WNT7B: variants seen among roughly 807,000 people sequenced by gnomAD.
WNT7B encodes protein Wnt-7b.
Under a neutral mutation model 38.2 loss-of-function variants are expected in WNT7B, and 19 were observed. That is an observed-to-expected ratio of 0.50 (90% confidence interval 0.35 to 0.73). The LOEUF (loss-of-function observed/expected upper bound fraction) is 0.73. Ranked by LOEUF, WNT7B falls within the 30% of genes least tolerant of loss-of-function variation. The pLI is 0.01. For missense variants in WNT7B, 423 were observed against 507.9 expected, an observed-to-expected ratio of 0.83 and a Z score of 1.61; for synonymous variants, 243 against 209.3, an observed-to-expected ratio of 1.16 and a Z score of -1.39.
chr22:45,928,846 T>C (rs1391567342), intron 3 of WNT7B, among the ~76,000 whole-genome samples: 1 of 145,034 alleles, frequency 6.9e-6, no homozygotes, highest in African/African-American at 2.5e-5. Context: ...CTGGCCCTGG[T>C]TTCCCCATAC....
chr22:45,956,519 C>A (rs374473257), intron 1 of WNT7B, among the ~76,000 whole-genome samples: 1 of 152,222 alleles, frequency 6.6e-6, no homozygotes, highest in Non-Finnish European at 1.5e-5. Context: ...CTGCACCCAC[C>A]ACCGATGGGT....
rs994233948 is a variant in WNT7B, at chr22:45,966,391, C to G, written c.71+10293G>C. 5.9e-5 allele frequency among the ~76,000 whole-genome samples: 9 copies of G among 152,234 alleles called. No homozygotes were observed. The highest frequency in any genetic ancestry group is 2.0e-4 in the Admixed American group (3 of 15,286). On this transcript the variant is annotated intron_variant, in intron 1 of 3. Transcript: ENST00000339464. The surrounding 1 kb of genome is among the most constrained non-coding windows in gnomAD (Gnocchi z 4.2). The stretch of plus-strand genomic sequence containing the variant: ...GAGGCCAGCTGAGACACCACCAGTC[C>G]TTGTGCCCGGGCTCCCTCCGGCCTG...
chr22:45,929,516 C>A (rs563815301), intron 3 of WNT7B, among the ~76,000 whole-genome samples: 73 of 141,494 alleles, frequency 5.2e-4, no homozygotes, highest in African/African-American at 1.9e-3. Context: ...ACCAATACTT[C>A]CGTCCATCTT....
At chr22:45,927,889 C>A (rs9723150) in intron 3 of WNT7B, among the ~76,000 whole-genome samples, 10,178 of 152,258 alleles carry the variant, frequency 0.067, 538 homozygotes, top group Admixed American at 0.15. Flanking sequence ...GAGCAAGACT[C>A]CATCTCAAAA....
intron 1 of WNT7B, among the ~76,000 whole-genome samples, chr22:45,969,796 A>G (rs1337308763): frequency 6.6e-6 from 1 of 152,176 alleles, no homozygotes; most frequent in Non-Finnish European, 1.5e-5. Context: ...GGGATCTGGA[A>G]AGCTCCTGAA....
chr22:45,924,865 G>A (rs959330462), intron 3 of WNT7B, among the ~76,000 whole-genome samples: 1 of 149,284 alleles, frequency 6.7e-6, no homozygotes, highest in Admixed American at 6.6e-5. Flanking sequence ...GCAGGTGGGT[G>A]CTGGGTGGGC....
At position 45,927,338 on chromosome 22, in the gene WNT7B, TG is replaced by T. The variant is rs1931117190; in HGVS notation, c.570+3759del. 6.2e-6 allele frequency: 9 copies of T among 1,460,456 alleles called. No individual in the cohort carries two copies. The South Asian group carries it at 1.2e-4, about 20-fold the overall frequency. 90.5% of individuals were successfully genotyped at this position (1,460,456 alleles called of 1,614,324 possible). On this transcript the variant is annotated intron_variant, in intron 3 of 3. Transcript: ENST00000339464. ...GCTTGGGGAAGGGCAGCCAGGGCCT[TG>T]GTCTGGTAGAAGTGGGGGCAGGGCG...
chr22:45,977,125 C>A lies in WNT7B; in HGVS notation c.-371G>T. ...AGCGCCTCGCCGAGCGCCGCGGCGG[C>A]CAATGTGTCCGCACTTGTCGGCCGC... On this transcript the variant is annotated 5_prime_UTR_variant, in exon 1 of 4. Coordinates refer to ENST00000339464, the MANE Select transcript of WNT7B (RefSeq NM_058238.3). 1 of 648,426 alleles carries A rather than the reference C, an allele frequency of 1.5e-6. No individual in the cohort carries two copies. Among genetic ancestry groups the A allele is most frequent in the Non-Finnish European group, 1.9e-6 (1 of 522,228 alleles). 40.2% of individuals were successfully genotyped at this position (648,426 alleles called of 1,614,324 possible).
intron 1 of WNT7B, among the ~76,000 whole-genome samples, chr22:45,964,723 C>T (rs1932274748): frequency 6.6e-6 from 1 of 152,122 alleles, no homozygotes; most frequent in Non-Finnish European, 1.5e-5. Flanking sequence ...CACGGGGCCC[C>T]AGACCCACAA....
Position 45,929,188 on chromosome 22 carries a change from G to T in WNT7B, c.570+1910C>A, listed in dbSNP as rs73888712. ...CCTCTTTCTCCTCCTCCTCCAGGGA[G>T]TCCTCCCAGATGCCTCCAGGTAGGT... On this transcript the variant is annotated intron_variant, in intron 3 of 3. Coordinates refer to ENST00000339464, the MANE Select transcript of WNT7B (RefSeq NM_058238.3). 2.9e-3 allele frequency among the ~76,000 whole-genome samples: 440 copies of T among 152,310 alleles called. 1 individual carries two copies. The highest frequency in any genetic ancestry group is 0.01 in the African/African-American group (417 of 41,566).
intron 2 of WNT7B, 47 bp downstream of exon 2, chr22:45,949,873 C>T: frequency 2.6e-6 from 4 of 1,563,364 alleles, no homozygotes; most frequent in South Asian, 1.1e-5. Context: ...TGGCCTACTG[C>T]CCCTGGCCAC....
At position 45,965,714 on chromosome 22, in the gene WNT7B, G is replaced by T. The variant is rs1349086380; in HGVS notation, c.71+10970C>A. Reference sequence around the variant, plus strand: ...AAGACCCAGAACAGAAGGCCTCTGGGCTTCCCATACCCGCAGGACAGCTGC... The same window carrying T: ...AAGACCCAGAACAGAAGGCCTCTGGTCTTCCCATACCCGCAGGACAGCTGC... On this transcript the variant is annotated intron_variant, in intron 1 of 3. Transcript: ENST00000339464. The surrounding 1 kb of genome is among the most constrained non-coding windows in gnomAD (Gnocchi z 6.5). Among the ~76,000 whole-genome samples, 1 of 152,182 alleles carries T rather than the reference G, an allele frequency of 6.6e-6. No individual in the cohort carries two copies. Among genetic ancestry groups the T allele is most frequent in the Admixed American group, 6.5e-5 (1 of 15,288 alleles).
At chr22:45,956,882 T>C (rs903365970) in intron 1 of WNT7B, among the ~76,000 whole-genome samples, 11 of 151,902 alleles carry the variant, frequency 7.2e-5, no homozygotes, top group African/African-American at 2.4e-4. Context: ...CTGAGATGGG[T>C]GGATCATGAA....
At chr22:45,940,721 G>A (rs1291090333) in intron 2 of WNT7B, among the ~76,000 whole-genome samples, 1 of 152,224 alleles carries the variant, frequency 6.6e-6, no homozygotes, top group Non-Finnish European at 1.5e-5. Flanking sequence ...AGCCACAGAG[G>A]AGCCAGCAGG....
rs551652002 is a variant in WNT7B at position 45,953,569 on chromosome 22, C to T, written c.72-3423G>A. ...CAAAAAGACAAACAACCCAGTGTTA[C>T]AATGAGCAAAGCGCTTGTAGACATT... On this transcript the variant is annotated intron_variant, in intron 1 of 3. Coordinates refer to ENST00000339464, the MANE Select transcript of WNT7B (RefSeq NM_058238.3). Among the ~76,000 whole-genome samples, 8 of 152,288 alleles carry T rather than the reference C, an allele frequency of 5.3e-5. No individual in the cohort carries two copies. In the South Asian group the frequency reaches 1.7e-3, roughly 32 times the overall value.
chr22:45,943,034 C>CAGTGTGCATGTGTATGTGTGT (rs796147152), intron 2 of WNT7B, among the ~76,000 whole-genome samples: 5,473 of 149,478 alleles, frequency 0.037, 369 homozygotes, highest in African/African-American at 0.13. Context: ...TATGTGTGTG[C>CAGTGTGCATGTGTATGTGTGT]GCGTGTGTGC....
chr22:45,936,301 A>G lies in WNT7B; in HGVS notation c.299-4932T>C, dbSNP rs571747430. 3.3e-4 allele frequency among the ~76,000 whole-genome samples: 50 copies of G among 152,328 alleles called. 1 individual carries two copies. Among genetic ancestry groups the G allele is most frequent in the African/African-American group, 1.2e-3 (48 of 41,568 alleles). On this transcript the variant is annotated intron_variant, in intron 2 of 3. Transcript: ENST00000339464. Reference sequence around the variant, plus strand: ...CCAGCTCTGAGAGCAAACAGGATGAATGGGCATGGTACCCACATCACTAAG... The same window carrying G: ...CCAGCTCTGAGAGCAAACAGGATGAGTGGGCATGGTACCCACATCACTAAG...
At chr22:45,925,605 G>T in intron 3 of WNT7B, 1 of 985,154 alleles carries the variant, frequency 1.0e-6, no homozygotes, top group Non-Finnish European at 1.2e-6. Context: ...CATCACCCCA[G>T]CTCCCTGTTC....
chr22:45,968,600 C>T (rs1932362929), intron 1 of WNT7B, among the ~76,000 whole-genome samples: 1 of 152,222 alleles, frequency 6.6e-6, no homozygotes, highest in South Asian at 2.1e-4. Context: ...AGCGTCACCC[C>T]AGGACCTCCT....
Sources: gnomAD v4.1 joint callset for allele counts (sites outside exome capture counted in the v4.1 genomes callset) on GRCh38, gnomAD v4.1.1 for gene constraint, Gnocchi (gnomAD v3.1) non-coding constraint, MANE v1.5 for transcripts, NCBI Gene and HGNC (gene_info 2026-07-23, HGNC 2026-07-21) for gene names.